Variants in PAG1 observed in about 807,000 individuals in gnomAD.
PAG1 encodes the protein phosphoprotein membrane anchor with glycosphingolipid microdomains 1.
In PAG1, 23 loss-of-function variants were observed where a neutral mutation model predicts 31.7. That is an observed-to-expected ratio of 0.73 (90% CI 0.52 to 1.03). PAG1 has a LOEUF of 1.03. Among genes scored for constraint, PAG1 ranks in the 50% least tolerant of loss-of-function variants. The pLI is 0.00. For synonymous variants in PAG1, 214 were observed against 210.3 expected (o/e 1.02, Z -0.15); for missense variants, 473 against 540.7 (o/e 0.87, Z 1.24).
intron 3 of PAG1, among the ~76,000 whole-genome samples, chr8:80,999,680 T>G (rs1015017437): frequency 6.6e-6 from 1 of 152,180 alleles, no homozygotes; most frequent in Non-Finnish European, 1.5e-5. Flanking sequence ...CTGACCCTTT[T>G]GGTGGAGGGG....
chr8:81,086,365 T>C (rs1809356982), intron 1 of PAG1, among the ~76,000 whole-genome samples: 1 of 152,202 alleles, frequency 6.6e-6, no homozygotes. Context: ...AATTTATTAC[T>C]GAGAGTACTG....
chr8:81,004,161 T>C (rs1051350163), intron 3 of PAG1, among the ~76,000 whole-genome samples: 5 of 152,180 alleles, frequency 3.3e-5, no homozygotes. Context: ...CACGGACAGG[T>C]AACGCAGAAA....
At chr8:81,048,016 AG>A (rs2130864295) in intron 2 of PAG1, among the ~76,000 whole-genome samples, 1 of 152,336 alleles carries the variant, frequency 6.6e-6, no homozygotes, top group Non-Finnish European at 1.5e-5. Flanking sequence ...TCCTTGGGTA[AG>A]GAACTCCCTA....
In PAG1 at chr8:80,968,426, C is replaced by A. The variant is rs1807008739; in HGVS notation, c.*8118G>T. On this transcript the variant is annotated 3_prime_UTR_variant, in exon 9 of 9. Coordinates refer to ENST00000220597, the MANE Select transcript of PAG1 (RefSeq NM_018440.4). Reference sequence around the variant, plus strand: ...GCCCTGTGCTCTTGTCTCCAAAACCCATGTTTCCCTTTACACTAAATTGTC... The same window carrying A: ...GCCCTGTGCTCTTGTCTCCAAAACCAATGTTTCCCTTTACACTAAATTGTC... The A allele has an allele frequency of 6.6e-6, 1 of 152,220 alleles. No individual in the cohort carries two copies. Among genetic ancestry groups the A allele is most frequent in the African/African-American group, 2.4e-5 (1 of 41,448 alleles). 9.4% of individuals were successfully genotyped at this position (152,220 alleles called of 1,614,324 possible). A position where few individuals can be genotyped will look rare whatever the true frequency, so the allele number is the denominator to read the frequency against.
intron 1 of PAG1, among the ~76,000 whole-genome samples, chr8:81,080,298 G>C (rs957334502): frequency 6.6e-6 from 1 of 152,020 alleles, no homozygotes; most frequent in Non-Finnish European, 1.5e-5. Flanking sequence ...CAATTCTATG[G>C]GGGTCTTAAG....
intron 1 of PAG1, among the ~76,000 whole-genome samples, chr8:81,078,571 T>A (rs1322131774): frequency 6.6e-6 from 1 of 152,202 alleles, no homozygotes; most frequent in Non-Finnish European, 1.5e-5. Context: ...GGGTCTCAAA[T>A]GCAGGCAATC....
At chr8:81,063,784 G>A (rs35710008) in intron 2 of PAG1, among the ~76,000 whole-genome samples, 49,279 of 151,972 alleles carry the variant, frequency 0.32, 9,862 homozygotes, top group East Asian at 0.68. Context: ...GGGAACTTAC[G>A]GACAGGGGCA....
intron 1 of PAG1, among the ~76,000 whole-genome samples, chr8:81,093,724 T>C (rs1386065836): frequency 6.7e-6 from 1 of 148,808 alleles, no homozygotes; most frequent in Non-Finnish European, 1.5e-5. Context: ...TGACAAGAAA[T>C]CACCCTCTCT....
intron 3 of PAG1, among the ~76,000 whole-genome samples, chr8:81,004,469 C>CT (rs1166199305): frequency 2.0e-5 from 3 of 152,210 alleles, no homozygotes; most frequent in Non-Finnish European, 2.9e-5. Flanking sequence ...TAAATACCTA[C>CT]TATGTGCCAG....
intron 3 of PAG1, among the ~76,000 whole-genome samples, chr8:81,017,389 T>A (rs780841141): frequency 3.9e-5 from 6 of 152,236 alleles, no homozygotes; most frequent in Non-Finnish European, 7.3e-5. Flanking sequence ...CAGGACCTGA[T>A]ACTTAGCAGG....
intron 1 of PAG1, among the ~76,000 whole-genome samples, chr8:81,108,260 G>A (rs945323485): frequency 6.6e-6 from 1 of 152,168 alleles, no homozygotes; most frequent in Non-Finnish European, 1.5e-5. Flanking sequence ...GTAAGCAAAA[G>A]GGAATATCTG....
chr8:80,971,273 G>A lies in PAG1; in HGVS notation c.*5271C>T, dbSNP rs1249466920. 1 of 152,174 alleles carries A rather than the reference G, an allele frequency of 6.6e-6. No homozygotes were observed. Among genetic ancestry groups the A allele is most frequent in the Middle Eastern group, 3.2e-3 (1 of 316 alleles). The allele number at this position is 152,174 out of a possible 1,614,324, so 9.4% of individuals were successfully genotyped here. A position where few individuals can be genotyped will look rare whatever the true frequency, so the allele number is the denominator to read the frequency against. ...ATTATTTTTTAATATTTTTGAGTAA[G>A]GGGAGTACTTTAATACTGATTGGGC... On this transcript the variant is annotated 3_prime_UTR_variant, in exon 9 of 9. Transcript: ENST00000220597.
At chr8:81,046,716 G>A (rs954276003) in intron 2 of PAG1, among the ~76,000 whole-genome samples, 3 of 152,074 alleles carry the variant, frequency 2.0e-5, no homozygotes, top group Non-Finnish European at 4.4e-5. Context: ...AGGGATACAT[G>A]TGCAGGATGT....
At chr8:81,042,011 T>G (rs940734399) in intron 2 of PAG1, among the ~76,000 whole-genome samples, 3 of 152,170 alleles carry the variant, frequency 2.0e-5, no homozygotes, top group Non-Finnish European at 4.4e-5. Context: ...AACTTCTTGT[T>G]GTTCAAATGA....
intron 3 of PAG1, among the ~76,000 whole-genome samples, chr8:81,011,806 C>T (rs140647094): frequency 6.6e-6 from 1 of 152,168 alleles, no homozygotes; most frequent in African/African-American, 2.4e-5. Flanking sequence ...GCAGAGAAGG[C>T]GTTTTGCAGC....
At chr8:81,035,399 G>A (rs1208929642) in intron 2 of PAG1, among the ~76,000 whole-genome samples, 2 of 152,086 alleles carry the variant, frequency 1.3e-5, no homozygotes, top group Non-Finnish European at 2.9e-5. Flanking sequence ...CAATAACATC[G>A]CTGGAATGTG....
chr8:81,094,145 A>G (rs1016355197), intron 1 of PAG1, among the ~76,000 whole-genome samples: 7 of 152,002 alleles, frequency 4.6e-5, no homozygotes, highest in African/African-American at 2.4e-5. Context: ...TTTGTTTTTC[A>G]TCTTCTTCCT....
At position 81,025,892 on chromosome 8, in the gene PAG1, C is replaced by T. The variant is rs568446809; in HGVS notation, c.-81+4104G>A. Reference sequence around the variant, plus strand: ...ATGACAACATAACATGGTGTGTGTACCTCTGTGGGGGCAGTGTGTGTGTTT... The same window carrying T: ...ATGACAACATAACATGGTGTGTGTATCTCTGTGGGGGCAGTGTGTGTGTTT... On this transcript the variant is annotated intron_variant, in intron 3 of 8. Transcript: ENST00000220597. Among the ~76,000 whole-genome samples, 10 of 152,242 alleles carry T rather than the reference C, an allele frequency of 6.6e-5. No homozygotes were observed. The South Asian group carries it at 2.1e-3, about 32-fold the overall frequency.
In PAG1 at chr8:80,984,901, C is replaced by A. The variant is rs764524425; in HGVS notation, c.751G>T (p.Asp251Tyr). ...NVESILGNSCDPEEEAPPPVP... is the reference protein window; with the variant it reads ...NVESILGNSCYPEEEAPPPVP... ...GGTGGTGGGGCCTCCTCTTCTGGAT[C>A]ACATGAATTTCCAAGGATACTCTCT... Residue 251 changes from aspartate (D) to tyrosine (Y), a missense_variant, in exon 7 of 9, where the codon GAT (aspartate) becomes TAT (tyrosine). Transcript: ENST00000220597. 1 of 1,614,150 alleles carries A rather than the reference C, an allele frequency of 6.2e-7. No individual in the cohort carries two copies. The highest frequency in any genetic ancestry group is 1.1e-5 in the South Asian group (1 of 91,084).
Sources: gnomAD v4.1 joint callset for allele counts (sites outside exome capture counted in the v4.1 genomes callset) on GRCh38, gnomAD v4.1.1 for gene constraint, MANE v1.5 for transcripts, NCBI Gene and HGNC (gene_info 2026-07-23, HGNC 2026-07-21) for gene names.